The following HOXB2 variants were observed in gnomAD, a reference collection of about 807,000 sequenced individuals.
HOXB2 encodes homeobox protein Hox-B2.
A neutral mutation model predicts 13.1 loss-of-function variants in HOXB2; 14 were observed. The ratio of observed to expected loss-of-function variants is 1.07; its 90% CI spans 0.71 to 1.67. The LOEUF is 1.67. Among genes scored for constraint, HOXB2 ranks in the 40% most tolerant of loss-of-function variants. HOXB2 has a pLI of 0.00. For missense variants in HOXB2, 582 were observed against 488.3 expected (o/e 1.19, Z -1.81); for synonymous variants, 261 against 233.1 (o/e 1.12, Z -1.09).
At chr17:48,544,033 A>G (rs1306898075) in intron 1 of HOXB2, 1 of 1,222,320 alleles carries the variant, frequency 8.2e-7, no homozygotes, top group Non-Finnish European at 1.0e-6. Context: ...CCCCCTCCCA[A>G]GCCCTCCCAG....
chr17:48,542,892 C>T lies in HOXB2; in HGVS notation c.*176G>A, dbSNP rs1223832431. 1 of 447,950 alleles carries T rather than the reference C, an allele frequency of 2.2e-6. No homozygotes were observed. Among genetic ancestry groups the T allele is most frequent in the East Asian group, 3.5e-5 (1 of 28,792 alleles). 27.7% of individuals were successfully genotyped at this position (447,950 alleles called of 1,614,324 possible). ...TTTCTGTGTGAATTTTAAAAGATAA[C>T]CGAGTGCCCAATATTTTAGAAGAAG... On this transcript the variant is annotated 3_prime_UTR_variant, in exon 2 of 2. Transcript: ENST00000330070.
Position 48,543,614 on chromosome 17 carries a change from C to T in HOXB2, c.525G>A (p.Glu175=). 6.2e-7 allele frequency: 1 copy of T among 1,613,692 alleles called. No individual in the cohort carries two copies. Among genetic ancestry groups the T allele is most frequent in the African/African-American group, 1.3e-5 (1 of 75,060 alleles). Residue 175 remains glutamate (E), a synonymous_variant, in exon 2 of 2, where the codon GAG becomes GAA. Transcript: ENST00000330070. ...NKYLCRPRRV[E]IAALLDLTER... is the part of the protein sequence containing the mutation. ...CGGTGAGGTCCAGCAAGGCCGCGAT[C>T]TCGACGCGGCGTGGCCGGCACAGGT...
At position 48,543,248 on chromosome 17, in the gene HOXB2, C is replaced by T; in HGVS notation, c.891G>A (p.Gly297=). 1 of 1,611,410 alleles carries T rather than the reference C, an allele frequency of 6.2e-7. No homozygotes were observed. The highest frequency in any genetic ancestry group is 8.5e-7 in the Non-Finnish European group (1 of 1,179,952). The change falls in exon 2 of 2, where the codon GGG becomes GGA. Residue 297 remains glycine, a synonymous_variant. Transcript: ENST00000330070. ...CGGGAAGGAAAGGTGAATCCTGGCG[C>T]CCCGAGAAGACGTCTTCTGGCAATG... ...PGPLPEDVFS[G]RQDSPFLPDL...
chr17:48,544,086 G>A (rs939225476), intron 1 of HOXB2: 6 of 985,082 alleles, frequency 6.1e-6, no homozygotes, highest in Middle Eastern at 5.2e-4. Context: ...CCGGAGCGAG[G>A]GTCAGAAAGA....
rs1435325868 is a variant in HOXB2 at position 48,543,405 on chromosome 17, C to T, written c.734G>A (p.Cys245Tyr). The change falls in exon 2 of 2, where the codon TGC (cysteine) becomes TAC (tyrosine). Residue 245 changes from cysteine (C) to tyrosine (Y), a missense_variant. Cys to Tyr is a radical substitution (Grantham distance 194, BLOSUM62 -2). Transcript: ENST00000330070. ...CGGCACCACCTCCGGCGGGTGACAG[C>T]AGGCTTCCCACGCCGCCCGCGAGGC... ...PSASRAAWEACCHPPEVVPGA... is the reference protein window; with the variant it reads ...PSASRAAWEAYCHPPEVVPGA... 1.3e-6 allele frequency: 2 copies of T among 1,583,242 alleles called. No homozygotes were observed. Among genetic ancestry groups the T allele is most frequent in the African/African-American group, 1.3e-5 (1 of 74,322 alleles).
chr17:48,543,043 G>T lies in HOXB2; in HGVS notation c.*25C>A. ...TAGACGGCCAAGGAGCGCGGGGGTC[G>T]AAAGGACCGGGAGGAGGAAACAGGT... On this transcript the variant is annotated 3_prime_UTR_variant, in exon 2 of 2. Coordinates refer to ENST00000330070, the MANE Select transcript of HOXB2 (RefSeq NM_002145.4). 6.5e-7 allele frequency: 1 copy of T among 1,539,188 alleles called. No homozygotes were observed. The highest frequency in any genetic ancestry group is 8.7e-7 in the Non-Finnish European group (1 of 1,143,592).
Position 48,545,055 on chromosome 17 carries a change from TG to T in HOXB2, c.-145del. 1 of 677,702 alleles carries T rather than the reference TG, an allele frequency of 1.5e-6. No individual in the cohort carries two copies. The highest frequency in any genetic ancestry group is 2.4e-6 in the Non-Finnish European group (1 of 416,414). The allele number at this position is 677,702 out of a possible 1,614,324, so 42.0% of individuals were successfully genotyped here. On this transcript the variant is annotated 5_prime_UTR_variant, in exon 1 of 2. Transcript: ENST00000330070. Reference sequence around the variant, plus strand: ...TTTCGGTCTCTCTTTTTTTTAATTTTGGGCCTTTATAATTGTATATTGCTGA... The same window carrying T: ...TTTCGGTCTCTCTTTTTTTTAATTTTGGCCTTTATAATTGTATATTGCTGA...
rs758102266 is a variant in HOXB2 at position 48,544,657 on chromosome 17, TGGCGGC to T, written c.249_254del (p.Pro84_Pro85del). ...CGGGGGCCGGGGGGGCAGCGGGGAGTGGCGGCGGCGGTGGCGGCGGCAGAGCAGGCC... is the reference window on the plus strand; with the variant it reads ...CGGGGGCCGGGGGGGCAGCGGGGAGTGGCGGTGGCGGCGGCAGAGCAGGCC... On this transcript the variant is annotated inframe_deletion, in exon 1 of 2. Transcript: ENST00000330070. The T allele has an allele frequency of 1.9e-5, 31 of 1,609,960 alleles. No individual in the cohort carries two copies. The highest frequency in any genetic ancestry group is 2.2e-5 in the Non-Finnish European group (26 of 1,178,786).
At position 48,542,863 on chromosome 17, in the gene HOXB2, A is replaced by T. The variant is rs2068512652; in HGVS notation, c.*205T>A. 7.2e-6 allele frequency: 3 copies of T among 417,444 alleles called. No homozygotes were observed. The highest frequency in any genetic ancestry group is 3.6e-5 in the East Asian group (1 of 27,772). 25.9% of individuals were successfully genotyped at this position (417,444 alleles called of 1,614,324 possible). A position where few individuals can be genotyped will look rare whatever the true frequency, so the allele number is the denominator to read the frequency against. ...TCATTGGAAGGAGTCTACCAAACGG[A>T]ATTTTTCTGTGTGAATTTTAAAAGA... On this transcript the variant is annotated 3_prime_UTR_variant, in exon 2 of 2. Transcript: ENST00000330070.
rs557475925 is a variant in HOXB2 at position 48,543,175 on chromosome 17, G to A, written c.964C>T (p.Leu322Phe). Residue 322 changes from leucine (L) to phenylalanine (F), a missense_variant, in exon 2 of 2, where the codon CTC becomes TTC. By Grantham distance (22) the Leu-to-Phe change is conservative. Coordinates refer to ENST00000330070, the MANE Select transcript of HOXB2 (RefSeq NM_002145.4). The part of the protein sequence containing the change: ...ADSCLQLSGG[L>F]SPSLQGSLDS... ...AGAGAACCCTGTAGGCTAGGGGAGA[G>A]GCCTCCGGATAGCTGGAGACAGGAG... The A allele has an allele frequency of 1.8e-5, 29 of 1,613,968 alleles. No homozygotes were observed. Among genetic ancestry groups the A allele is most frequent in the South Asian group, 6.6e-5 (6 of 91,066 alleles).
Position 48,543,176 on chromosome 17 carries a change from G to A in HOXB2, c.963C>T (p.Gly321=), listed in dbSNP as rs1336690561. 5 of 1,613,938 alleles carry A rather than the reference G, an allele frequency of 3.1e-6. No homozygotes were observed. Among genetic ancestry groups the A allele is most frequent in the Admixed American group, 3.3e-5 (2 of 60,012 alleles). The change falls in exon 2 of 2, where the codon GGC becomes GGT. Residue 321 remains glycine, a synonymous_variant. Coordinates refer to ENST00000330070, the MANE Select transcript of HOXB2 (RefSeq NM_002145.4). ...GAGAACCCTGTAGGCTAGGGGAGAG[G>A]CCTCCGGATAGCTGGAGACAGGAGT... ...AADSCLQLSG[G]LSPSLQGSLD... is the part of the protein sequence containing the mutation.
chr17:48,543,414 C>G lies in HOXB2; in HGVS notation c.725G>C (p.Trp242Ser). 4 of 1,583,818 alleles carry G rather than the reference C, an allele frequency of 2.5e-6. No individual in the cohort carries two copies. Among genetic ancestry groups the G allele is most frequent in the Middle Eastern group, 1.9e-4 (1 of 5,390 alleles). Residue 242 changes from tryptophan (W) to serine (S), a missense_variant, in exon 2 of 2, where the codon TGG becomes TCG. Transcript: ENST00000330070. ...CTCCGGCGGGTGACAGCAGGCTTCC[C>G]ACGCCGCCCGCGAGGCGGAGGGGCC... ...PGGPSASRAA[W>S]EACCHPPEVV...
rs952567562 is a variant in HOXB2 at position 48,543,281 on chromosome 17, C to G, written c.858G>C (p.Glu286Asp). 6.2e-7 allele frequency: 1 copy of G among 1,603,300 alleles called. No individual in the cohort carries two copies. The highest frequency in any genetic ancestry group is 1.1e-5 in the South Asian group (1 of 90,812). ...AGACGTCTTCTGGCAATGGCCCGGG[C>G]TCCAGCCCGCCGGCCCCGCGCAGCG... ...GCALRGAGGL[E>D]PGPLPEDVFS... The change falls in exon 2 of 2, where the codon GAG (glutamate) becomes GAC (aspartate). Residue 286 changes from glutamate (E) to aspartate (D), a missense_variant. By Grantham distance (45) the Glu-to-Asp change is conservative. Coordinates refer to ENST00000330070, the MANE Select transcript of HOXB2 (RefSeq NM_002145.4).
Position 48,543,627 on chromosome 17 carries a change from G to A in HOXB2, c.512C>T (p.Pro171Leu). ...EFHFNKYLCR[P>L]RRVEIAALLD... ...CAAGGCCGCGATCTCGACGCGGCGT[G>A]GCCGGCACAGGTACTTATTAAAGTG... Residue 171 changes from proline (P) to leucine (L), a missense_variant, in exon 2 of 2, where the codon CCA becomes CTA. Pro to Leu is a moderately conservative substitution (Grantham distance 98, BLOSUM62 -3). Coordinates refer to ENST00000330070, the MANE Select transcript of HOXB2 (RefSeq NM_002145.4). 6.2e-7 allele frequency: 1 copy of A among 1,613,678 alleles called. No individual in the cohort carries two copies. The highest frequency in any genetic ancestry group is 1.1e-5 in the South Asian group (1 of 91,078).
chr17:48,542,909 T>C lies in HOXB2; in HGVS notation c.*159A>G. 1 of 478,954 alleles carries C rather than the reference T, an allele frequency of 2.1e-6. No individual in the cohort carries two copies. The highest frequency in any genetic ancestry group is 3.6e-6 in the Non-Finnish European group (1 of 279,222). 29.7% of individuals were successfully genotyped at this position (478,954 alleles called of 1,614,324 possible). ...AAAGATAACCGAGTGCCCAATATTT[T>C]AGAAGAAGAAGAAAGGGAGTGGATT... is the stretch of plus-strand genomic sequence containing the variant. On this transcript the variant is annotated 3_prime_UTR_variant, in exon 2 of 2. Coordinates refer to ENST00000330070, the MANE Select transcript of HOXB2 (RefSeq NM_002145.4).
Position 48,542,948 on chromosome 17 carries a change from G to A in HOXB2, c.*120C>T. On this transcript the variant is annotated 3_prime_UTR_variant, in exon 2 of 2. Transcript: ENST00000330070. ...AGGGAGTGGATTAAACGCTAATTCA[G>A]TAATACCTGAATTTTAGCAAAACAC... is the stretch of plus-strand genomic sequence containing the variant. 1.5e-6 allele frequency: 1 copy of A among 671,376 alleles called. No homozygotes were observed. The highest frequency in any genetic ancestry group is 2.7e-4 in the Middle Eastern group (1 of 3,772). 41.6% of individuals were successfully genotyped at this position (671,376 alleles called of 1,614,324 possible).
At position 48,543,325 on chromosome 17, in the gene HOXB2, C is replaced by T; in HGVS notation, c.814G>A (p.Ala272Thr). 2.5e-6 allele frequency: 4 copies of T among 1,599,768 alleles called. No homozygotes were observed. Among genetic ancestry groups the T allele is most frequent in the Non-Finnish European group, 3.4e-6 (4 of 1,177,048 alleles). Residue 272 changes from alanine (A) to threonine (T), a missense_variant, in exon 2 of 2, where the codon GCG (alanine) becomes ACG (threonine). Coordinates refer to ENST00000330070, the MANE Select transcript of HOXB2 (RefSeq NM_002145.4). Reference protein sequence around the residue: ...PLAVRLEGAGASSPGCALRGA... With the variant: ...PLAVRLEGAGTSSPGCALRGA... ...CGCAGCGCGCAGCCGGGACTCGACG[C>T]GCCTGCGCCCTCTAAGCGAACGGCT...
rs1173675991 is a variant in HOXB2 at position 48,544,413 on chromosome 17, G to T, written c.391+108C>A. On this transcript the variant is annotated intron_variant, in intron 1 of 1. Transcript: ENST00000330070. ...CTTCCCCATCCCAGGAATGGAGGGG[G>T]TAAGGAACCCCAACAGGCTCGCCAC... 8 of 1,454,872 alleles carry T rather than the reference G, an allele frequency of 5.5e-6. No individual in the cohort carries two copies. In the Admixed American group the frequency reaches 1.9e-4, roughly 34 times the overall value. 90.1% of individuals were successfully genotyped at this position (1,454,872 alleles called of 1,614,324 possible).
In HOXB2 at chr17:48,543,259, C is replaced by A. The variant is rs775766731; in HGVS notation, c.880G>T (p.Val294Phe). ...GLEPGPLPED[V>F]FSGRQDSPFL... The stretch of plus-strand genomic sequence containing the variant: ...GGTGAATCCTGGCGCCCCGAGAAGA[C>A]GTCTTCTGGCAATGGCCCGGGCTCC... The change falls in exon 2 of 2, where the codon GTC becomes TTC. Residue 294 changes from valine (V) to phenylalanine (F), a missense_variant. By Grantham distance (50) the Val-to-Phe change is conservative (BLOSUM62 -1). Transcript: ENST00000330070. 5.6e-6 allele frequency: 9 copies of A among 1,609,418 alleles called. No individual in the cohort carries two copies. The African/African-American group carries it at 1.1e-4, about 19-fold the overall frequency.
Sources: allele counts gnomAD v4.1 joint callset, GRCh38; gene constraint gnomAD v4.1.1; transcripts MANE v1.5; gene names NCBI Gene and HGNC (gene_info 2026-07-23, HGNC 2026-07-21).